The following PALLD variants were observed in gnomAD, a reference collection of about 807,000 sequenced individuals.
PALLD encodes palladin, cytoskeletal associated protein, also known as palladin.
In PALLD, 61 loss-of-function variants were observed where a neutral mutation model predicts 123.5. The ratio of observed to expected loss-of-function variants is 0.49; its 90% CI spans 0.40 to 0.61. The LOEUF (loss-of-function observed/expected upper bound fraction) is 0.61. Among genes scored for constraint, PALLD ranks in the 20% least tolerant of loss-of-function variants. The pLI, the probability that PALLD is intolerant of heterozygous loss-of-function variation, is 0.00. For synonymous variants in PALLD, 465 were observed against 496.4 expected, an observed-to-expected ratio of 0.94 and a Z score of 0.84; for missense variants, 1,273 against 1,377.0, an observed-to-expected ratio of 0.92 and a Z score of 1.20.
At chr4:168,521,169 G>A (rs527463673) in intron 2 of PALLD, among the ~76,000 whole-genome samples, 1 of 151,314 alleles carries the variant, frequency 6.6e-6, no homozygotes, top group Non-Finnish European at 1.5e-5. Context: ...TGCTGCAGAT[G>A]GCAAAAAAAA....
chr4:168,508,275 A>C (rs554707646), intron 1 of PALLD, among the ~76,000 whole-genome samples: 151 of 152,300 alleles, frequency 9.9e-4, no homozygotes, highest in Middle Eastern at 3.4e-3. Flanking sequence ...ATTATTTGTC[A>C]ATTTAAAAAA....
intron 2 of PALLD, among the ~76,000 whole-genome samples, chr4:168,550,992 G>T (rs1766673011): frequency 6.6e-6 from 1 of 152,140 alleles, no homozygotes; most frequent in African/African-American, 2.4e-5. Context: ...GTTGCTTCAA[G>T]AATTTTCACA....
At chr4:168,898,159 G>A in intron 13 of PALLD, 1 of 359,260 alleles carries the variant, frequency 2.8e-6, no homozygotes, top group Non-Finnish European at 5.3e-6. Context: ...ATATTTTATT[G>A]TTATCAACAG....
chr4:168,637,352 G>A (rs76625478), intron 2 of PALLD, among the ~76,000 whole-genome samples: 2,054 of 152,200 alleles, frequency 0.013, 58 homozygotes, highest in African/African-American at 0.047. Context: ...TCTAGGACAA[G>A]GGACTACCAG....
chr4:168,739,284 G>A (rs1330369794), intron 10 of PALLD, among the ~76,000 whole-genome samples: 2 of 152,182 alleles, frequency 1.3e-5, no homozygotes, highest in African/African-American at 4.8e-5. Flanking sequence ...TCAGTACCCG[G>A]TGGTAGGATT....
rs369662919 is a variant in PALLD at position 168,590,943 on chromosome 4, G to T, written c.909-77247G>T. Among the ~76,000 whole-genome samples, 12 of 126,204 alleles carry T rather than the reference G, an allele frequency of 9.5e-5. No individual in the cohort carries two copies. The South Asian group carries it at 3.1e-3, about 33-fold the overall frequency. 82.8% of individuals were successfully genotyped at this position (126,204 alleles called of 152,430 possible). ...TGCCCAGGCTAGAGTGCAATGGTGC[G>T]ATCTCGGCTCACTGCAACCTCCTCC... On this transcript the variant is annotated intron_variant, in intron 2 of 21. Transcript: ENST00000505667.
At chr4:168,910,079 A>G (rs1275680435) in intron 15 of PALLD, among the ~76,000 whole-genome samples, 3 of 152,146 alleles carry the variant, frequency 2.0e-5, no homozygotes, top group Admixed American at 6.6e-5. Context: ...AATGATAACT[A>G]TTCCTTTTTC....
intron 10 of PALLD, chr4:168,877,734 A>G: frequency 1.7e-6 from 2 of 1,153,696 alleles, no homozygotes; most frequent in African/African-American, 3.3e-5. Flanking sequence ...GACCCTCTGA[A>G]GCTCCAGCAA....
At chr4:168,802,573 A>T (rs1448722217) in intron 10 of PALLD, among the ~76,000 whole-genome samples, 3 of 152,232 alleles carry the variant, frequency 2.0e-5, no homozygotes, top group Non-Finnish European at 4.4e-5. Context: ...GCAGACGACT[A>T]GAGTTGGTGC....
intron 10 of PALLD, among the ~76,000 whole-genome samples, chr4:168,762,719 C>A (rs57814794): frequency 1.3e-5 from 2 of 152,128 alleles, no homozygotes; most frequent in South Asian, 4.1e-4. Flanking sequence ...TAAAGACACA[C>A]GCACACGTAT....
chr4:168,666,199 C>T (rs893609560), intron 2 of PALLD, among the ~76,000 whole-genome samples: 2 of 152,164 alleles, frequency 1.3e-5, no homozygotes, highest in East Asian at 1.9e-4. Context: ...CTGTGGAGTA[C>T]ATCTAACCAA....
chr4:168,684,582 T>G (rs1580952081), intron 5 of PALLD, among the ~76,000 whole-genome samples: 1 of 152,226 alleles, frequency 6.6e-6, no homozygotes, highest in East Asian at 1.9e-4. Context: ...TTAATCTTCA[T>G]ATGACACTTG....
chr4:168,585,083 T>C (rs1770676441), intron 2 of PALLD, among the ~76,000 whole-genome samples: 1 of 152,216 alleles, frequency 6.6e-6, no homozygotes, highest in Non-Finnish European at 1.5e-5. Flanking sequence ...TTTTGGAAAC[T>C]ATTTCTATTT....
In PALLD at chr4:168,896,722, T is replaced by G. The variant is rs115351152; in HGVS notation, c.2250+123T>G. On this transcript the variant is annotated intron_variant, in intron 13 of 21. Transcript: ENST00000505667. ...TATTAATTATAAATGCTATGACCAGTGTCTGTTTCATTTAATATCAGATAC... is the reference window on the plus strand; with the variant it reads ...TATTAATTATAAATGCTATGACCAGGGTCTGTTTCATTTAATATCAGATAC... The G allele has an allele frequency of 1.5e-3, 960 of 640,222 alleles. 12 individuals carry two copies. The African/African-American group carries it at 0.016, about 11-fold the overall frequency. 39.7% of individuals were successfully genotyped at this position (640,222 alleles called of 1,614,324 possible).
At position 168,711,865 on chromosome 4, in the gene PALLD, C is replaced by T; in HGVS notation, c.1906C>T (p.Pro636Ser). 6.2e-7 allele frequency: 1 copy of T among 1,614,168 alleles called. No homozygotes were observed. Among genetic ancestry groups the T allele is most frequent in the South Asian group, 1.1e-5 (1 of 91,072 alleles). Residue 636 changes from proline (P) to serine (S), a missense_variant, in exon 10 of 22, where the codon CCA becomes TCA. Transcript: ENST00000505667. Reference sequence around the variant, plus strand: ...TAACAGTAATAAATCTCTTCCAACACCAGCTGTCCTGCTTTCACCCACTAA... The same window carrying T: ...TAACAGTAATAAATCTCTTCCAACATCAGCTGTCCTGCTTTCACCCACTAA... ...KANSNKSLPT[P>S]AVLLSPTKEP...
At chr4:168,887,663 T>G (rs1753555723) in intron 10 of PALLD, among the ~76,000 whole-genome samples, 1 of 152,236 alleles carries the variant, frequency 6.6e-6, no homozygotes, top group Non-Finnish European at 1.5e-5. Context: ...ACCTTTAAGA[T>G]GACTTCAAAA....
chr4:168,692,608 G>A (rs1782736211), intron 8 of PALLD, among the ~76,000 whole-genome samples: 1 of 152,136 alleles, frequency 6.6e-6, no homozygotes, highest in South Asian at 2.1e-4. Context: ...CTTTAGATAG[G>A]TAGATATAAA....
At chr4:168,507,490 A>C (rs1762120209) in intron 1 of PALLD, 1 of 190,822 alleles carries the variant, frequency 5.2e-6, no homozygotes, top group East Asian at 8.2e-5. Context: ...AAGTGAGTTC[A>C]GTTTCTCACT....
intron 2 of PALLD, among the ~76,000 whole-genome samples, chr4:168,557,198 C>T (rs1024377379): frequency 6.6e-6 from 1 of 152,088 alleles, no homozygotes; most frequent in Non-Finnish European, 1.5e-5. Flanking sequence ...TGTGTGCCAC[C>T]TCATCTCAGT....
Sources: gnomAD v4.1 joint callset for allele counts (sites outside exome capture counted in the v4.1 genomes callset) on GRCh38, gnomAD v4.1.1 for gene constraint, MANE v1.5 for transcripts, NCBI Gene and HGNC (gene_info 2026-07-23, HGNC 2026-07-21) for gene names.